The following OCA2 variants were observed in gnomAD, a reference collection of about 807,000 sequenced individuals.
The protein encoded by OCA2 is P protein.
OCA2 carries 77 observed loss-of-function variants against 100.2 expected under a neutral mutation model. The observed-to-expected ratio is 0.77, with a 90% CI of 0.64 to 0.93. The LOEUF is 0.93. OCA2 is among the 40% of genes least tolerant of loss of function. OCA2 has a pLI of 0.00. For synonymous variants in OCA2, 432 were observed against 439.2 expected, an observed-to-expected ratio of 0.98 and a Z score of 0.21; for missense variants, 1,062 against 1,089.1, an observed-to-expected ratio of 0.98 and a Z score of 0.35.
intron 21 of OCA2, among the ~76,000 whole-genome samples, chr15:27,865,511 A>G (rs558578648): frequency 6.6e-6 from 1 of 152,340 alleles, no homozygotes; most frequent in South Asian, 2.1e-4. Context: ...CTGTGTCTGC[A>G]GCTGTGGGCA....
chr15:28,025,576 C>T (rs549136415), intron 4 of OCA2, among the ~76,000 whole-genome samples: 3 of 152,334 alleles, frequency 2.0e-5, no homozygotes, highest in East Asian at 3.9e-4. Context: ...GCTCCCAGAC[C>T]GGACCACAGG....
At chr15:28,002,324 A>C (rs147427041) in intron 9 of OCA2, among the ~76,000 whole-genome samples, 4 of 152,254 alleles carry the variant, frequency 2.6e-5, no homozygotes, top group Non-Finnish European at 2.9e-5. Flanking sequence ...TGGACCATGG[A>C]GCTACAGGGC....
intron 23 of OCA2, among the ~76,000 whole-genome samples, chr15:27,834,163 G>A (rs920445975): frequency 6.6e-6 from 1 of 152,144 alleles, no homozygotes; most frequent in Non-Finnish European, 1.5e-5. Context: ...CAATCCTCAG[G>A]GAGAGAACCA....
chr15:27,903,354 G>C (rs1421961280), intron 19 of OCA2, among the ~76,000 whole-genome samples: 3 of 152,204 alleles, frequency 2.0e-5, no homozygotes, highest in Admixed American at 6.5e-5. Context: ...GGCACCGCCA[G>C]CCACCCCTCC....
chr15:27,763,235 A>G (rs1169640957), intron 23 of OCA2, among the ~76,000 whole-genome samples: 1 of 152,228 alleles, frequency 6.6e-6, no homozygotes, highest in Non-Finnish European at 1.5e-5. Context: ...CTTAGGCATG[A>G]CACCAAAAGT....
intron 19 of OCA2, among the ~76,000 whole-genome samples, chr15:27,878,021 A>T (rs967807896): frequency 9.9e-5 from 15 of 150,960 alleles, no homozygotes; most frequent in African/African-American, 2.9e-4. Context: ...ATTAATTTTT[A>T]ATTATATTTT....
chr15:27,945,378 T>C (rs1040276453), intron 18 of OCA2, among the ~76,000 whole-genome samples: 1 of 152,112 alleles, frequency 6.6e-6, no homozygotes, highest in African/African-American at 2.4e-5. Flanking sequence ...CGAGGTCCTA[T>C]AAACTGGGAA....
At chr15:27,977,754 G>A (rs780784375) in intron 14 of OCA2, among the ~76,000 whole-genome samples, 2 of 152,174 alleles carry the variant, frequency 1.3e-5, no homozygotes, top group African/African-American at 2.4e-5. Flanking sequence ...GGTCATGAGG[G>A]TGGAGCCCTC....
chr15:27,797,879 G>C (rs74643313), intron 23 of OCA2, among the ~76,000 whole-genome samples: 1 of 152,120 alleles, frequency 6.6e-6, no homozygotes, highest in African/African-American at 2.4e-5. Context: ...TGTTGGCCAC[G>C]CTAGAGTCTT....
the OCA2 span, among the ~76,000 whole-genome samples, chr15:27,721,841 ATG>A: frequency 6.6e-6 from 1 of 152,178 alleles, no homozygotes; most frequent in South Asian, 2.1e-4. Context: ...CAAAAAGGTA[ATG>A]TGTTCTTTAG....
At chr15:28,095,669 A>G (rs1319667536) in intron 1 of OCA2, among the ~76,000 whole-genome samples, 1 of 151,034 alleles carries the variant, frequency 6.6e-6, no homozygotes, top group African/African-American at 2.4e-5. Flanking sequence ...GTGAGCCGAG[A>G]TGGCGCCATT....
At chr15:27,737,356 G>A in the OCA2 span, among the ~76,000 whole-genome samples, 1 of 152,156 alleles carries the variant, frequency 6.6e-6, no homozygotes, top group Non-Finnish European at 1.5e-5. Context: ...GTACAATCTT[G>A]AGAATGAAGG....
At chr15:27,806,604 GTCC>G (rs2033862051) in intron 23 of OCA2, among the ~76,000 whole-genome samples, 3 of 152,254 alleles carry the variant, frequency 2.0e-5, no homozygotes, top group African/African-American at 7.2e-5. Flanking sequence ...GCTTCCCGCC[GTCC>G]GCTGTGCGCT....
chr15:27,834,125 C>T (rs2035060338), intron 23 of OCA2, among the ~76,000 whole-genome samples: 1 of 152,176 alleles, frequency 6.6e-6, no homozygotes, highest in African/African-American at 2.4e-5. Flanking sequence ...AAAGTTAAAA[C>T]TGACAGCTCC....
intron 19 of OCA2, among the ~76,000 whole-genome samples, chr15:27,913,908 CAAGCAAGCAAGCAAGCAAGCAAGA>C (rs1270468480): frequency 0.011 from 627 of 55,278 alleles, 82 homozygotes; most frequent in African/African-American, 0.046. Flanking sequence ...AGCAAGCAAG[CAAGCAAGCAAGCAAGCAAGCAAGA>C]AAGAAAGAAA....
chr15:27,833,691 GTTATAGGAAAT>G (rs1378321149), intron 23 of OCA2, among the ~76,000 whole-genome samples: 1 of 152,124 alleles, frequency 6.6e-6, no homozygotes, highest in Non-Finnish European at 1.5e-5. Context: ...TTTCTTCCCA[GTTATAGGAAAT>G]TTGATCCGTG....
At chr15:28,087,755 A>G (rs1304612968) in intron 1 of OCA2, among the ~76,000 whole-genome samples, 1 of 152,150 alleles carries the variant, frequency 6.6e-6, no homozygotes, top group East Asian at 1.9e-4. Context: ...TCAAAAAATA[A>G]TAATAAAATA....
intron 4 of OCA2, among the ~76,000 whole-genome samples, chr15:28,025,863 T>C (rs1322833277): frequency 6.6e-6 from 1 of 152,260 alleles, no homozygotes; most frequent in Non-Finnish European, 1.5e-5. Flanking sequence ...CCTCACTTAG[T>C]TAAGTTGCAT....
At chr15:27,776,227 A>G (rs2032203142) in intron 23 of OCA2, among the ~76,000 whole-genome samples, 2 of 152,116 alleles carry the variant, frequency 1.3e-5, no homozygotes, top group South Asian at 2.1e-4. Context: ...ATGCAGATAT[A>G]TACCCTTCTC....
Sources: allele counts gnomAD v4.1 joint callset (sites outside exome capture counted in the v4.1 genomes callset), GRCh38; gene constraint gnomAD v4.1.1; transcripts MANE v1.5; gene names NCBI Gene and HGNC (gene_info 2026-07-23, HGNC 2026-07-21).